TENM3: variants seen among roughly 807,000 people sequenced by gnomAD.
TENM3 encodes the protein teneurin-3.
A neutral mutation model predicts 255.1 loss-of-function variants in TENM3; 63 were observed. The ratio of observed to expected loss-of-function variants is 0.25; its 90% CI spans 0.20 to 0.30. The LOEUF is 0.30. Among genes scored for constraint, TENM3 ranks in the 10% least tolerant of loss-of-function variants. The pLI, the probability that TENM3 is intolerant of heterozygous loss-of-function variation, is 1.00. For synonymous variants in TENM3, 1,306 were observed against 1,322.3 expected (o/e 0.99, Z 0.27); for missense variants, 2,929 against 3,461.1 (o/e 0.85, Z 3.86).
intron 3 of TENM3, among the ~76,000 whole-genome samples, chr4:182,420,188 G>A (rs1458049327): frequency 6.6e-6 from 1 of 151,956 alleles, no homozygotes; most frequent in African/African-American, 2.4e-5. Flanking sequence ...CTGTTTTGAA[G>A]GAATTTCTAA....
At chr4:182,631,558 C>G (rs1327032655) in intron 5 of TENM3, 1 of 152,164 alleles carries the variant, frequency 6.6e-6, no homozygotes, top group East Asian at 1.9e-4. Context: ...GGAAGGCTGT[C>G]CTTTTCTGTT....
intron 3 of TENM3, among the ~76,000 whole-genome samples, chr4:182,476,898 GTTT>G (rs2151486713): frequency 6.6e-6 from 1 of 152,266 alleles, no homozygotes; most frequent in Admixed American, 6.5e-5. Context: ...ACTTCTTAAA[GTTT>G]AGTCTGAACA....
the TENM3 span, among the ~76,000 whole-genome samples, chr4:181,766,398 C>G: frequency 6.6e-5 from 10 of 151,540 alleles, no homozygotes; most frequent in East Asian, 1.8e-3. Context: ...TAAGTAACTC[C>G]GTTGGAAACA....
At chr4:182,361,774 T>C (rs546065000) in intron 3 of TENM3, among the ~76,000 whole-genome samples, 6 of 152,304 alleles carry the variant, frequency 3.9e-5, no homozygotes, top group African/African-American at 1.4e-4. Context: ...CTGCGTTCCT[T>C]TGGAGGAGGA....
the TENM3 span, among the ~76,000 whole-genome samples, chr4:181,713,023 A>G: frequency 1.3e-5 from 2 of 152,328 alleles, no homozygotes; most frequent in Non-Finnish European, 2.9e-5. Context: ...ATTCACAGGT[A>G]AAAAAGGAAA....
At chr4:181,665,474 C>T in the TENM3 span, among the ~76,000 whole-genome samples, 20 of 152,148 alleles carry the variant, frequency 1.3e-4, no homozygotes, top group Middle Eastern at 3.4e-3. Flanking sequence ...ATATATTGTA[C>T]GTGTACATAT....
chr4:182,320,273 C>T (rs1273432877), intron 1 of TENM3, among the ~76,000 whole-genome samples: 1 of 152,204 alleles, frequency 6.6e-6, no homozygotes, highest in Non-Finnish European at 1.5e-5. Context: ...GACCACAACC[C>T]TGGTGGCTTA....
At chr4:181,516,008 T>C in the TENM3 span, among the ~76,000 whole-genome samples, 6 of 152,188 alleles carry the variant, frequency 3.9e-5, no homozygotes, top group Admixed American at 3.3e-4. Context: ...TGGAATACTA[T>C]GCAGCCATAA....
chr4:182,587,718 CT>C (rs1452209942), intron 3 of TENM3, among the ~76,000 whole-genome samples: 7 of 152,100 alleles, frequency 4.6e-5, no homozygotes, highest in Admixed American at 4.6e-4. Flanking sequence ...GCCTGGTTTT[CT>C]TTTAAGCTTG....
the TENM3 span, among the ~76,000 whole-genome samples, chr4:181,467,812 A>C: frequency 1.0e-3 from 153 of 152,290 alleles, no homozygotes; most frequent in Non-Finnish European, 2.0e-3. Flanking sequence ...GTTAAGTCTT[A>C]AGTTAGTGAT....
chr4:182,235,944 G>A (rs139758856), intron 1 of TENM3, among the ~76,000 whole-genome samples: 145 of 152,276 alleles, frequency 9.5e-4, no homozygotes, highest in Non-Finnish European at 1.9e-3. Flanking sequence ...TACTGTTTAG[G>A]GGAACTTTAT....
At chr4:181,562,022 C>T in the TENM3 span, among the ~76,000 whole-genome samples, 1 of 152,076 alleles carries the variant, frequency 6.6e-6, no homozygotes, top group Non-Finnish European at 1.5e-5. Flanking sequence ...ACGTTGATCA[C>T]TTTTATATTT....
At chr4:182,279,687 T>C (rs558131122) in intron 1 of TENM3, among the ~76,000 whole-genome samples, 47 of 152,332 alleles carry the variant, frequency 3.1e-4, no homozygotes, top group African/African-American at 1.0e-3. Context: ...CTTTTTTAGA[T>C]TCTTCTCTTG....
At chr4:181,500,321 A>G in the TENM3 span, among the ~76,000 whole-genome samples, 6 of 139,116 alleles carry the variant, frequency 4.3e-5, no homozygotes, top group East Asian at 1.3e-3. Context: ...GAGCCACCGC[A>G]CCCGGCCTTA....
chr4:182,355,809 T>G (rs1765486398), intron 3 of TENM3, among the ~76,000 whole-genome samples: 1 of 151,962 alleles, frequency 6.6e-6, no homozygotes, highest in African/African-American at 2.4e-5. Context: ...AGTTAAAGTA[T>G]TTTGTCTATG....
At chr4:181,800,427 T>G in the TENM3 span, among the ~76,000 whole-genome samples, 3 of 151,452 alleles carry the variant, frequency 2.0e-5, no homozygotes, top group East Asian at 5.8e-4. Context: ...AGGCCAGGAG[T>G]TCAAGACCAG....
At position 182,673,184 on chromosome 4, in the gene TENM3, T is replaced by C; in HGVS notation, c.1291T>C (p.Tyr431His). The C allele has an allele frequency of 6.2e-7, 1 of 1,613,754 alleles. No individual in the cohort carries two copies. Among genetic ancestry groups the C allele is most frequent in the Non-Finnish European group, 8.5e-7 (1 of 1,179,712 alleles). The part of the protein sequence containing the change: ...SLQKDALIGV[Y>H]GRKGLPPSHT... ...TCAGAAGGATGCATTGATTGGAGTA[T>C]ATGGCCGGAAAGGCTTACCGCCTTC... Residue 431 changes from tyrosine (Y) to histidine (H), a missense_variant, in exon 7 of 28, where the codon TAT (tyrosine) becomes CAT (histidine). Coordinates refer to ENST00000511685, the MANE Select transcript of TENM3 (RefSeq NM_001080477.4).
intron 5 of TENM3, among the ~76,000 whole-genome samples, chr4:182,639,882 G>T (rs1316342969): frequency 6.6e-6 from 1 of 151,964 alleles, no homozygotes; most frequent in Non-Finnish European, 1.5e-5. Context: ...ACGGGTTCAG[G>T]AGATTGAGAC....
chr4:182,173,480 C>A (rs947367283), intron 1 of TENM3, among the ~76,000 whole-genome samples: 1 of 152,114 alleles, frequency 6.6e-6, no homozygotes, highest in African/African-American at 2.4e-5. Flanking sequence ...TTGAGTAAAG[C>A]TTTCAATTAG....
Sources: gnomAD v4.1 joint callset for allele counts (sites outside exome capture counted in the v4.1 genomes callset) on GRCh38, gnomAD v4.1.1 for gene constraint, MANE v1.5 for transcripts, NCBI Gene and HGNC (gene_info 2026-07-23, HGNC 2026-07-21) for gene names.